IL37: variants seen among roughly 807,000 people sequenced by gnomAD.
IL37 encodes the protein interleukin-37.
A neutral mutation model predicts 15.4 loss-of-function variants in IL37; 15 were observed. That is an observed-to-expected ratio of 0.98 (90% confidence interval 0.65 to 1.50). The LOEUF (loss-of-function observed/expected upper bound fraction) is 1.50, where lower values mean the gene tolerates loss of function less well. IL37 is among the 40% of genes most tolerant of loss of function. IL37 has a pLI of 0.00. For missense variants in IL37, 269 were observed against 261.7 expected (o/e 1.03, Z -0.19); for synonymous variants, 98 against 97.4 (o/e 1.01, Z -0.03).
intron 3 of IL37, among the ~76,000 whole-genome samples, chr2:112,916,321 G>C (rs545024283): frequency 1.1e-4 from 16 of 152,180 alleles, no homozygotes; most frequent in South Asian, 4.1e-4. Context: ...TGAGCTCTTT[G>C]CAGAGGTGAG....
At chr2:112,917,877 C>A in intron 5 of IL37, 100 bp downstream of exon 5, 2 of 1,278,628 alleles carry the variant, frequency 1.6e-6, no homozygotes, top group Non-Finnish European at 2.2e-6. Context: ...TTATCTTGGC[C>A]AATATAACAG....
chr2:112,916,876 C>T (rs1040787072), intron 3 of IL37, among the ~76,000 whole-genome samples: 2 of 152,178 alleles, frequency 1.3e-5, no homozygotes, highest in African/African-American at 2.4e-5. Context: ...AGTAACTTGT[C>T]CTCTGTCCTA....
chr2:112,913,080 A>C lies in IL37; in HGVS notation c.68A>C (p.Gln23Pro), dbSNP rs754070442. Residue 23 changes from glutamine to proline, a missense_variant, in exon 2 of 6, where the codon CAG (glutamine) becomes CCG (proline). By Grantham distance (76) the Gln-to-Pro change is moderately conservative. Coordinates refer to ENST00000263326, the MANE Select transcript of IL37 (RefSeq NM_014439.4). ...GSEDWEKDEPQCCLEDPAGSP... is the reference protein window; with the variant it reads ...GSEDWEKDEPPCCLEDPAGSP... ...GAGGACTGGGAAAAAGATGAACCCC[A>C]GTGCTGCTTAGAAGGTAAGGTTCTT... 6.4e-7 allele frequency: 1 copy of C among 1,563,572 alleles called. No homozygotes were observed. Among genetic ancestry groups the C allele is most frequent in the Non-Finnish European group, 8.6e-7 (1 of 1,160,958 alleles).
At chr2:112,918,010 C>A (rs1465765775) in intron 5 of IL37, among the ~76,000 whole-genome samples, 1 of 152,230 alleles carries the variant, frequency 6.6e-6, no homozygotes, top group Non-Finnish European at 1.5e-5. Flanking sequence ...GAGCTGAGCA[C>A]CTGTTCTCCT....
chr2:112,916,409 G>C (rs984942592), intron 3 of IL37, among the ~76,000 whole-genome samples: 4 of 152,292 alleles, frequency 2.6e-5, no homozygotes, highest in African/African-American at 9.6e-5. Context: ...GCCCAAATGA[G>C]TTGCTAGGAG....
intron 2 of IL37, 37 bp downstream of exon 2, chr2:112,913,131 T>G: frequency 5.7e-6 from 8 of 1,408,990 alleles, no homozygotes; most frequent in Non-Finnish European, 7.6e-6. Context: ...AGGGCCAAAG[T>G]GTAATTCCTA....
chr2:112,913,436 A>G (rs2466450), intron 2 of IL37, among the ~76,000 whole-genome samples: 14,440 of 152,214 alleles, frequency 0.095, 892 homozygotes, highest in African/African-American at 0.16. Flanking sequence ...GATGAGAAGC[A>G]GCTCTCTAAG....
intron 4 of IL37, 30 bp from the exon 5 acceptor site, chr2:112,917,605 C>A: frequency 6.5e-7 from 1 of 1,535,892 alleles, no homozygotes; most frequent in Non-Finnish European, 8.7e-7. Flanking sequence ...GCTCTCAGAA[C>A]CCACACATGT....
chr2:112,913,908 G>A, intron 3 of IL37, 54 bp downstream of exon 3: 1 of 1,417,928 alleles, frequency 7.1e-7, no homozygotes, highest in Non-Finnish European at 1.0e-6. Flanking sequence ...GGTGGGGATG[G>A]GGGATGGAGC....
At chr2:112,915,323 C>A (rs1683282195) in intron 3 of IL37, 1 of 1,324,804 alleles carries the variant, frequency 7.5e-7, no homozygotes, top group Non-Finnish European at 1.1e-6. Context: ...CCAGTCTCAC[C>A]CTGGACTAAC....
In IL37 at chr2:112,918,700, G is replaced by T. The variant is rs777386890; in HGVS notation, c.548G>T (p.Cys183Phe). 1 of 1,614,130 alleles carries T rather than the reference G, an allele frequency of 6.2e-7. No individual in the cohort carries two copies. Among genetic ancestry groups the T allele is most frequent in the South Asian group, 1.1e-5 (1 of 91,080 alleles). The change falls in exon 6 of 6, where the codon TGT becomes TTT. Residue 183 changes from cysteine (C) to phenylalanine (F), a missense_variant. Physicochemically the swap from Cys to Phe is radical, Grantham distance 205. Coordinates refer to ENST00000263326, the MANE Select transcript of IL37 (RefSeq NM_014439.4). ...TGGTTCATCTGCACCTCCTGCAATT[G>T]TAATGAGCCTGTTGGGGTGACAGAT... ...PGWFICTSCN[C>F]NEPVGVTDKF...
intron 3 of IL37, among the ~76,000 whole-genome samples, chr2:112,916,844 A>T (rs952739178): frequency 2.0e-5 from 3 of 152,196 alleles, no homozygotes; most frequent in African/African-American, 7.2e-5. Flanking sequence ...ACAGATGAGG[A>T]CATTGAGGTT....
chr2:112,918,083 T>C (rs1470842858), intron 5 of IL37, among the ~76,000 whole-genome samples: 1 of 152,142 alleles, frequency 6.6e-6, no homozygotes, highest in Non-Finnish European at 1.5e-5. Context: ...TGGCCCTCCA[T>C]GTGGCAAGCA....
At chr2:112,914,587 G>A (rs1375004771) in intron 3 of IL37, among the ~76,000 whole-genome samples, 1 of 152,226 alleles carries the variant, frequency 6.6e-6, no homozygotes, top group African/African-American at 2.4e-5. Flanking sequence ...AAGGGTGCCT[G>A]GCACAGTTGG....
chr2:112,914,106 G>A (rs566901039), intron 3 of IL37, among the ~76,000 whole-genome samples: 111 of 152,110 alleles, frequency 7.3e-4, no homozygotes, highest in Non-Finnish European at 1.3e-3. Flanking sequence ...TTTGTGCCTG[G>A]GAACCTTCCA....
chr2:112,917,392 A>G, intron 4 of IL37, 144 bp downstream of exon 4: 1 of 1,002,962 alleles, frequency 1.0e-6, no homozygotes, highest in Admixed American at 2.3e-5. Flanking sequence ...GGACTAGGGC[A>G]TCAGATGAAG....
Position 112,913,076 on chromosome 2 carries a change from C to CCCCATT in IL37, c.68_69insTTCCCA (p.Pro22_Gln23insHisSer). Reference sequence around the variant, plus strand: ...CTCTGAGGACTGGGAAAAAGATGAACCCCAGTGCTGCTTAGAAGGTAAGGT... The same window carrying CCCCATT: ...CTCTGAGGACTGGGAAAAAGATGAACCCCATTCCCAGTGCTGCTTAGAAGGTAAGGT... On this transcript the variant is annotated inframe_insertion, in exon 2 of 6. Transcript: ENST00000263326. 6.4e-7 allele frequency: 1 copy of CCCCATT among 1,564,242 alleles called. No individual in the cohort carries two copies. Among genetic ancestry groups the CCCCATT allele is most frequent in the Non-Finnish European group, 8.6e-7 (1 of 1,160,956 alleles).
rs760366529 is a variant in IL37, at chr2:112,917,670, G to C, written c.301G>C (p.Ala101Pro). The C allele has an allele frequency of 1.2e-6, 2 of 1,608,692 alleles. No homozygotes were observed. Among genetic ancestry groups the C allele is most frequent in the African/African-American group, 1.3e-5 (1 of 74,672 alleles). ...FFALASSLSS[A>P]SAEKGSPILL... ...TGCATTAGCCTCATCCTTGAGCTCA[G>C]CCTCTGCGGAGAAAGGAAGTCCGAT... is the stretch of plus-strand genomic sequence containing the variant. The change falls in exon 5 of 6, where the codon GCC becomes CCC. Residue 101 changes from alanine (A) to proline (P), a missense_variant. By Grantham distance (27) the Ala-to-Pro change is conservative (BLOSUM62 -1). Coordinates refer to ENST00000263326, the MANE Select transcript of IL37 (RefSeq NM_014439.4).
intron 1 of IL37, among the ~76,000 whole-genome samples, 130 bp downstream of exon 1, chr2:112,911,378 T>G (rs191584387): frequency 7.7e-4 from 117 of 152,266 alleles, no homozygotes; most frequent in South Asian, 3.7e-3. Context: ...ATATGATCTC[T>G]GAGACCTGCC....
Sources: gnomAD v4.1 joint callset for allele counts (sites outside exome capture counted in the v4.1 genomes callset) on GRCh38, gnomAD v4.1.1 for gene constraint, MANE v1.5 for transcripts, NCBI Gene and HGNC (gene_info 2026-07-23, HGNC 2026-07-21) for gene names.